CDKL2: variants seen among roughly 807,000 people sequenced by gnomAD.
CDKL2 encodes the protein cyclin-dependent kinase-like 2.
A neutral mutation model predicts 63.9 loss-of-function variants in CDKL2; 64 were observed. The observed-to-expected ratio is 1.00, with a 90% CI of 0.82 to 1.23. CDKL2 has a LOEUF of 1.23. Among genes scored for constraint, CDKL2 ranks in the 50% most tolerant of loss-of-function variants. The pLI, the probability that CDKL2 is intolerant of heterozygous loss-of-function variation, is 0.00. For missense variants in CDKL2, 656 were observed against 668.0 expected, an observed-to-expected ratio of 0.98 and a Z score of 0.20; for synonymous variants, 211 against 229.2, an observed-to-expected ratio of 0.92 and a Z score of 0.72.
In CDKL2 at chr4:75,607,312, C is replaced by T. The variant is rs765339890; in HGVS notation, c.413G>A (p.Gly138Asp). The change falls in exon 4 of 14, where the codon GGC (glycine) becomes GAC (aspartate). Residue 138 changes from glycine to aspartate, a missense_variant. Coordinates refer to ENST00000307465, the MANE Select transcript of CDKL2 (RefSeq NM_001330724.2). The stretch of plus-strand genomic sequence containing the variant: ...TCCAAAATCGCATAGCTTGACAACG[C>T]CAGACTGGGAGACTAATATATTCTC... Reference protein sequence around the residue: ...KPENILVSQSGVVKLCDFGFA... With the variant: ...KPENILVSQSDVVKLCDFGFA... The T allele has an allele frequency of 1.2e-6, 2 of 1,614,006 alleles. No individual in the cohort carries two copies. The highest frequency in any genetic ancestry group is 1.7e-6 in the Non-Finnish European group (2 of 1,179,942).
rs1730495295 is a variant in CDKL2, at chr4:75,627,738, T to TC, written c.-29-1722_-29-1721insG. Among the ~76,000 whole-genome samples the TC allele has an allele frequency of 2.1e-5, 3 of 140,490 alleles. No homozygotes were observed. In the South Asian group the frequency reaches 7.0e-4, roughly 33 times the overall value. The allele number at this position is 140,490 out of a possible 152,430, so 92.2% of individuals were successfully genotyped here. On this transcript the variant is annotated intron_variant, in intron 1 of 13. Coordinates refer to ENST00000307465, the MANE Select transcript of CDKL2 (RefSeq NM_001330724.2). ...TTTCTTTACTTTTTTTTTCTTTTTT[T>TC]TTTTTTTTTTTTTGAAACGGAGTCT... is the stretch of plus-strand genomic sequence containing the variant.
chr4:75,614,933 A>G (rs1729867721), intron 2 of CDKL2, among the ~76,000 whole-genome samples: 1 of 148,392 alleles, frequency 6.7e-6, no homozygotes, highest in African/African-American at 2.4e-5. Flanking sequence ...GTATATATAT[A>G]TATGTATATT....
chr4:75,614,416 C>G lies in CDKL2; in HGVS notation c.202G>C (p.Glu68Gln), dbSNP rs371219274. 5.1e-6 allele frequency: 8 copies of G among 1,569,224 alleles called. No homozygotes were observed. The highest frequency in any genetic ancestry group is 6.9e-6 in the Non-Finnish European group (8 of 1,154,010). The change falls in exon 3 of 14, where the codon GAA (glutamate) becomes CAA (glutamine). Residue 68 changes from glutamate (E) to glutamine (Q), a missense_variant. By Grantham distance (29) the Glu-to-Gln change is conservative. Transcript: ENST00000307465. ...CATCGTTTTTTTTTCTTACACACTT[C>G]CAAGAGATTCACCAAGTTTTCATGC... Reference protein sequence around the residue: ...LRHENLVNLLEVCKKKKRWYL... With the variant: ...LRHENLVNLLQVCKKKKRWYL...
At chr4:75,611,811 C>T (rs893418621) in intron 3 of CDKL2, among the ~76,000 whole-genome samples, 6 of 151,448 alleles carry the variant, frequency 4.0e-5, no homozygotes, top group African/African-American at 1.5e-4. Context: ...TGTGCCACCA[C>T]GCCCAGCTAA....
At chr4:75,604,022 T>C in intron 5 of CDKL2, 66 bp from the exon 6 acceptor site, 1 of 1,453,726 alleles carries the variant, frequency 6.9e-7, no homozygotes, top group East Asian at 2.3e-5. Context: ...AAGAGACAGG[T>C]GGTGTGAAGT....
intron 3 of CDKL2, among the ~76,000 whole-genome samples, chr4:75,611,892 G>A (rs1016131729): frequency 6.6e-6 from 1 of 152,000 alleles, no homozygotes; most frequent in Non-Finnish European, 1.5e-5. Context: ...GACCTCAGGT[G>A]ATCCACCCGC....
chr4:75,624,556 A>C (rs1360050845), intron 2 of CDKL2, among the ~76,000 whole-genome samples: 1 of 151,978 alleles, frequency 6.6e-6, no homozygotes, highest in Non-Finnish European at 1.5e-5. Context: ...GTCTCAAAAA[A>C]ACAAAATGAA....
rs542730916 is a variant in CDKL2, at chr4:75,581,910, T to C, written c.1648-12A>G. The stretch of plus-strand genomic sequence containing the variant: ...GGAGGTCCTGATACCTATAAATTAA[T>C]AATAGAGCATCATAGGTTCTCAGTA... On this transcript the variant is annotated splice_polypyrimidine_tract_variant and intron_variant, in intron 12 of 13. Transcript: ENST00000307465. 1.9e-6 allele frequency: 3 copies of C among 1,587,048 alleles called. No homozygotes were observed. The highest frequency in any genetic ancestry group is 4.5e-5 in the East Asian group (2 of 44,758).
intron 12 of CDKL2, among the ~76,000 whole-genome samples, chr4:75,588,238 C>G (rs1578317112): frequency 6.6e-6 from 1 of 151,084 alleles, no homozygotes; most frequent in East Asian, 1.9e-4. Context: ...AAAAATTATC[C>G]AAAACTTTCC....
chr4:75,626,079 G>A (rs1006491794), intron 1 of CDKL2, 62 bp from the exon 2 acceptor site: 67 of 1,007,380 alleles, frequency 6.7e-5, no homozygotes, highest in Non-Finnish European at 8.9e-5. Context: ...CGCCTTCCCA[G>A]CAAATTAATT....
intron 10 of CDKL2, among the ~76,000 whole-genome samples, chr4:75,594,987 T>C (rs1216717627): frequency 1.3e-5 from 2 of 152,098 alleles, no homozygotes; most frequent in Non-Finnish European, 1.5e-5. Flanking sequence ...GGGTTTCACC[T>C]AACTTCAAAA....
At chr4:75,600,230 G>T in intron 7 of CDKL2, 51 bp downstream of exon 7, 2 of 1,177,192 alleles carry the variant, frequency 1.7e-6, no homozygotes, top group Non-Finnish European at 1.2e-6. Flanking sequence ...TATTGTGGAA[G>T]ACTTTAACCC....
intron 13 of CDKL2, among the ~76,000 whole-genome samples, chr4:75,579,402 A>G (rs1728160409): frequency 6.6e-6 from 1 of 152,238 alleles, no homozygotes; most frequent in African/African-American, 2.4e-5. Flanking sequence ...GGCTGGGTGC[A>G]GTGGCTCACG....
intron 1 of CDKL2, among the ~76,000 whole-genome samples, chr4:75,627,655 T>C (rs543897294): frequency 3.1e-4 from 47 of 151,852 alleles, no homozygotes; most frequent in African/African-American, 1.1e-3. Context: ...TTCCACTTAA[T>C]TGGAAAAAAT....
chr4:75,605,477 T>C (rs1412556691), intron 5 of CDKL2, 45 bp downstream of exon 5: 10 of 1,136,460 alleles, frequency 8.8e-6, no homozygotes, highest in South Asian at 1.3e-5. Context: ...CAAACAAATA[T>C]GCAGAAAAAT....
chr4:75,578,962 G>A lies in CDKL2; in HGVS notation c.*240C>T, dbSNP rs1229121118. The A allele has an allele frequency of 6.6e-6, 1 of 152,552 alleles. No homozygotes were observed. The highest frequency in any genetic ancestry group is 1.5e-5 in the Non-Finnish European group (1 of 68,028). The allele number at this position is 152,552 out of a possible 1,614,324, so 9.4% of individuals were successfully genotyped here. A position where few individuals can be genotyped will look rare whatever the true frequency, so the allele number is the denominator to read the frequency against. ...ACTGGATATGTCTTGAAATAGCATC[G>A]GTGGACGTGAAAGGTAATGGGATAA... On this transcript the variant is annotated 3_prime_UTR_variant, in exon 14 of 14. Transcript: ENST00000307465.
intron 2 of CDKL2, among the ~76,000 whole-genome samples, chr4:75,623,551 C>A (rs1730265337): frequency 6.6e-6 from 1 of 152,074 alleles, no homozygotes; most frequent in African/African-American, 2.4e-5. Flanking sequence ...TAACAAATCC[C>A]TAGTGTAACC....
intron 3 of CDKL2, among the ~76,000 whole-genome samples, chr4:75,611,010 T>G (rs770210838): frequency 6.6e-6 from 1 of 152,180 alleles, no homozygotes; most frequent in Non-Finnish European, 1.5e-5. Context: ...ATTCTAAATG[T>G]TTTTCATGTT....
intron 3 of CDKL2, among the ~76,000 whole-genome samples, chr4:75,613,878 G>A (rs1729809763): frequency 6.6e-6 from 1 of 152,106 alleles, no homozygotes; most frequent in Non-Finnish European, 1.5e-5. Flanking sequence ...CCAACATGGT[G>A]AAACCCCATC....
Sources: gnomAD v4.1 joint callset for allele counts (sites outside exome capture counted in the v4.1 genomes callset) on GRCh38, gnomAD v4.1.1 for gene constraint, MANE v1.5 for transcripts, NCBI Gene and HGNC (gene_info 2026-07-23, HGNC 2026-07-21) for gene names.